The following XRCC5 variants were observed in gnomAD, a reference collection of about 807,000 sequenced individuals.
XRCC5 encodes the protein DNA repair protein Ku80.
In XRCC5, 12 loss-of-function variants were observed where a neutral mutation model predicts 95.7. The ratio of observed to expected loss-of-function variants is 0.13; its 90% CI spans 0.08 to 0.20. The LOEUF (loss-of-function observed/expected upper bound fraction) is 0.20, where lower values mean the gene tolerates loss of function less well. Among genes scored for constraint, XRCC5 ranks in the 10% least tolerant of loss-of-function variants. XRCC5 has a pLI of 1.00. For missense variants in XRCC5, 595 were observed against 873.9 expected (o/e 0.68, Z 4.02); for synonymous variants, 281 against 290.3 (o/e 0.97, Z 0.33).
chr2:216,150,300 A>G (rs934010038), intron 14 of XRCC5, among the ~76,000 whole-genome samples: 1 of 152,182 alleles, frequency 6.6e-6, no homozygotes, highest in Non-Finnish European at 1.5e-5. Flanking sequence ...TTTTGGTGAA[A>G]TAATTTTACC....
chr2:216,188,850 A>T (rs41302510), intron 16 of XRCC5, among the ~76,000 whole-genome samples: 2 of 152,226 alleles, frequency 1.3e-5, no homozygotes, highest in South Asian at 4.1e-4. Context: ...GCTGCGGGAT[A>T]CGTTGGTAAA....
chr2:216,137,538 CA>C (rs1243975253), intron 11 of XRCC5, among the ~76,000 whole-genome samples: 2 of 152,226 alleles, frequency 1.3e-5, no homozygotes, highest in African/African-American at 4.8e-5. Context: ...AAAGAATAAT[CA>C]ATAAAGGTTC....
chr2:216,146,005 TAAG>T (rs1688623289), intron 13 of XRCC5, among the ~76,000 whole-genome samples: 1 of 152,176 alleles, frequency 6.6e-6, no homozygotes. Flanking sequence ...TTATGCATAA[TAAG>T]AAGGTGGTGA....
chr2:216,204,311 T>C lies in XRCC5; in HGVS notation c.2110-11T>C, dbSNP rs754816163. The C allele has an allele frequency of 1.4e-5, 22 of 1,613,678 alleles. No homozygotes were observed. The Admixed American group carries it at 3.5e-4, about 26-fold the overall frequency. ...ATCATTTTGGTATGATAACTGACTTTCTATTTACAGTTTCTGGCCCCCAAA... is the reference window on the plus strand; with the variant it reads ...ATCATTTTGGTATGATAACTGACTTCCTATTTACAGTTTCTGGCCCCCAAA... On this transcript the variant is annotated splice_polypyrimidine_tract_variant and intron_variant, in intron 19 of 20. Coordinates refer to ENST00000392132, the MANE Select transcript of XRCC5 (RefSeq NM_021141.4).
At chr2:216,160,713 G>A (rs1559251837) in intron 15 of XRCC5, among the ~76,000 whole-genome samples, 1 of 151,946 alleles carries the variant, frequency 6.6e-6, no homozygotes, top group Non-Finnish European at 1.5e-5. Flanking sequence ...TGGTCAGCCA[G>A]GAGGAAGAAT....
At chr2:216,140,665 C>T (rs543733815) in intron 12 of XRCC5, among the ~76,000 whole-genome samples, 2 of 152,224 alleles carry the variant, frequency 1.3e-5, no homozygotes, top group African/African-American at 4.8e-5. Flanking sequence ...TATTCAGCCT[C>T]AGTAGATTGT....
intron 4 of XRCC5, 101 bp from the exon 5 acceptor site, chr2:216,118,942 A>G: frequency 8.1e-7 from 1 of 1,241,124 alleles, no homozygotes; most frequent in Non-Finnish European, 1.2e-6. Flanking sequence ...TTAACTCTAG[A>G]TCCATTTCTA....
At chr2:216,187,815 ACACACACTCTCTCTCT>A (rs1487157041) in intron 16 of XRCC5, among the ~76,000 whole-genome samples, 152 of 90,334 alleles carry the variant, frequency 1.7e-3, no homozygotes, top group East Asian at 8.6e-3. Context: ...ACACACACAC[ACACACACTCTCTCTCT>A]CTCTCTCTCT....
chr2:216,114,817 C>G (rs1696655225), intron 2 of XRCC5, among the ~76,000 whole-genome samples: 1 of 152,162 alleles, frequency 6.6e-6, no homozygotes, highest in African/African-American at 2.4e-5. Flanking sequence ...AAAGCTGCCT[C>G]TGGGGGCGCT....
At chr2:216,174,808 G>T in intron 16 of XRCC5, 1 of 195,382 alleles carries the variant, frequency 5.1e-6, no homozygotes, top group Non-Finnish European at 1.1e-5. Context: ...AATGCATTTG[G>T]GATGACTATC....
intron 14 of XRCC5, among the ~76,000 whole-genome samples, chr2:216,159,073 T>C (rs968745499): frequency 7.2e-5 from 11 of 152,206 alleles, no homozygotes; most frequent in African/African-American, 2.7e-4. Flanking sequence ...ATTTAGCTAT[T>C]TCACAATAAA....
At position 216,172,111 on chromosome 2, in the gene XRCC5, T is replaced by C. The variant is rs1399128493; in HGVS notation, c.1834+10063T>C. 2.0e-5 allele frequency among the ~76,000 whole-genome samples: 3 copies of C among 152,220 alleles called. No individual in the cohort carries two copies. The East Asian group carries it at 5.8e-4, about 29-fold the overall frequency. On this transcript the variant is annotated intron_variant, in intron 16 of 20. Coordinates refer to ENST00000392132, the MANE Select transcript of XRCC5 (RefSeq NM_021141.4). ...GATAATCCTGAGTTATTGCACCATC[T>C]GTTGAATGGGCTGGCGCCATCTTGG...
At chr2:216,114,233 T>C (rs1316351323) in intron 2 of XRCC5, among the ~76,000 whole-genome samples, 3 of 152,154 alleles carry the variant, frequency 2.0e-5, no homozygotes, top group Non-Finnish European at 4.4e-5. Flanking sequence ...ACTGCCACTT[T>C]TGCTAAGTCC....
rs1696823201 is a variant in XRCC5, at chr2:216,122,155, A to G, written c.585A>G (p.Lys195=). The G allele has an allele frequency of 6.2e-7, 1 of 1,614,214 alleles. No homozygotes were observed. The highest frequency in any genetic ancestry group is 2.2e-5 in the East Asian group (1 of 44,882). ...GCCATGGGCCTTCCTTTCCACTAAA[A>G]GGAATTACCGAACAGCAAAAAGAAG... The part of the protein sequence containing the change: ...LGGHGPSFPL[K]GITEQQKEGL... The change falls in exon 6 of 21, where the codon AAA becomes AAG. Residue 195 remains lysine, a synonymous_variant. Coordinates refer to ENST00000392132, the MANE Select transcript of XRCC5 (RefSeq NM_021141.4).
At chr2:216,116,397 C>T (rs569838109) in intron 2 of XRCC5, among the ~76,000 whole-genome samples, 6 of 152,110 alleles carry the variant, frequency 3.9e-5, no homozygotes, top group Non-Finnish European at 4.4e-5. Flanking sequence ...TGGAAATCAT[C>T]AAGAACACTT....
intron 2 of XRCC5, among the ~76,000 whole-genome samples, chr2:216,115,276 G>A (rs746829602): frequency 2.1e-4 from 32 of 152,104 alleles, no homozygotes; most frequent in Non-Finnish European, 3.8e-4. Context: ...CAAGAGTATA[G>A]GTGTTTTTTT....
chr2:216,155,585 C>A (rs1189954460), intron 14 of XRCC5, among the ~76,000 whole-genome samples: 2 of 152,102 alleles, frequency 1.3e-5, no homozygotes, highest in African/African-American at 4.8e-5. Context: ...CCAGTGTACT[C>A]GTCACTAGGG....
chr2:216,169,212 T>A (rs1689108546), intron 16 of XRCC5, among the ~76,000 whole-genome samples: 1 of 152,248 alleles, frequency 6.6e-6, no homozygotes. Context: ...GAGCTATGAA[T>A]ATTCATGAAG....
At chr2:216,143,816 C>T (rs1453208939) in intron 13 of XRCC5, among the ~76,000 whole-genome samples, 5 of 151,770 alleles carry the variant, frequency 3.3e-5, no homozygotes, top group Non-Finnish European at 7.4e-5. Context: ...ACACCATTCT[C>T]CTGCCTCAGC....
Sources: allele counts gnomAD v4.1 joint callset (sites outside exome capture counted in the v4.1 genomes callset), GRCh38; gene constraint gnomAD v4.1.1; transcripts MANE v1.5; gene names NCBI Gene and HGNC (gene_info 2026-07-23, HGNC 2026-07-21).